Variants in HAUS8 observed in about 807,000 individuals in gnomAD.
The protein encoded by HAUS8 is HAUS augmin-like complex subunit 8.
In HAUS8, 38 loss-of-function variants were observed where a neutral mutation model predicts 42.9. The ratio of observed to expected loss-of-function variants is 0.89; its 90% CI spans 0.68 to 1.16. The LOEUF (loss-of-function observed/expected upper bound fraction) is 1.16. HAUS8 is among the 50% of genes most tolerant of loss of function. The pLI is 0.00. For synonymous variants in HAUS8, 199 were observed against 205.8 expected (o/e 0.97, Z 0.28); for missense variants, 494 against 511.6 (o/e 0.97, Z 0.33).
intron 3 of HAUS8, among the ~76,000 whole-genome samples, chr19:17,063,253 T>C (rs1165793008): frequency 6.6e-6 from 1 of 152,176 alleles, no homozygotes; most frequent in Non-Finnish European, 1.5e-5. Context: ...TCCCAGCTAC[T>C]CAGGAGGCTG....
intron 9 of HAUS8, chr19:17,053,269 G>C: frequency 2.6e-6 from 1 of 382,384 alleles, no homozygotes; most frequent in Non-Finnish European, 4.9e-6. Context: ...GTGCCAGGGA[G>C]AATGCCTGAG....
chr19:17,070,974 G>A (rs1427199142), intron 2 of HAUS8, among the ~76,000 whole-genome samples: 1 of 151,940 alleles, frequency 6.6e-6, no homozygotes, highest in Non-Finnish European at 1.5e-5. Context: ...GGAGACTGAG[G>A]CAGGAGAATC....
rs771781763 is a variant in HAUS8 at position 17,052,946 on chromosome 19, C to T, written c.808G>A (p.Val270Met). Residue 270 changes from valine (V) to methionine (M), a missense_variant, in exon 10 of 11, where the codon GTG becomes ATG. Coordinates refer to ENST00000253669, the MANE Select transcript of HAUS8 (RefSeq NM_033417.2). ...QLLDALQHEL[V>M]TTQRLLGELD... The stretch of plus-strand genomic sequence containing the variant: ...TCTCCCAGGAGGCGCTGAGTGGTCA[C>T]CAGTTCATGCTGCAGGGCGTCTGGA... 5.0e-6 allele frequency: 8 copies of T among 1,614,094 alleles called. No individual in the cohort carries two copies. The highest frequency in any genetic ancestry group is 6.8e-6 in the Non-Finnish European group (8 of 1,180,048).
At chr19:17,058,786 T>C (rs374206022) in intron 7 of HAUS8, 25 bp downstream of exon 7, 14 of 1,611,274 alleles carry the variant, frequency 8.7e-6, no homozygotes, top group African/African-American at 8.0e-5. Context: ...ATCCATGGCA[T>C]ACGTGAACAA....
intron 9 of HAUS8, chr19:17,055,177 T>C (rs1326053015): frequency 2.0e-5 from 1 of 50,488 alleles, no homozygotes; most frequent in South Asian, 8.8e-4. Flanking sequence ...TATATATATA[T>C]ATATATATAT....
intron 8 of HAUS8, among the ~76,000 whole-genome samples, chr19:17,056,886 T>A: frequency 6.6e-6 from 1 of 151,454 alleles, no homozygotes; most frequent in Non-Finnish European, 1.5e-5. Flanking sequence ...CCACTGCACA[T>A]ACATATTTTT....
chr19:17,068,263 G>A (rs2057399851), intron 3 of HAUS8, among the ~76,000 whole-genome samples: 1 of 151,906 alleles, frequency 6.6e-6, no homozygotes, highest in Non-Finnish European at 1.5e-5. Context: ...ACAGGTGCAC[G>A]CCACTGCATC....
At chr19:17,068,834 T>TA (rs2057403630) in intron 3 of HAUS8, among the ~76,000 whole-genome samples, 197 bp downstream of exon 3, 1 of 152,006 alleles carries the variant, frequency 6.6e-6, no homozygotes, top group Non-Finnish European at 1.5e-5. Context: ...AAGAGATGCT[T>TA]ATAGCCATGA....
At position 17,052,887 on chromosome 19, in the gene HAUS8, C is replaced by G. The variant is rs754762562; in HGVS notation, c.867G>C (p.Gln289His). 5.6e-6 allele frequency: 9 copies of G among 1,614,070 alleles called. No individual in the cohort carries two copies. ...LDVGDSEENV[Q>H]VLDLLSELKD... Reference sequence around the variant, plus strand: ...TGAGTTCGCTCAGTAAGTCCAGCACCTGCACATTTTCTTCCGAATCACCAA... The same window carrying G: ...TGAGTTCGCTCAGTAAGTCCAGCACGTGCACATTTTCTTCCGAATCACCAA... The change falls in exon 10 of 11, where the codon CAG (glutamine) becomes CAC (histidine). Residue 289 changes from glutamine (Q) to histidine (H), a missense_variant. Gln to His is a conservative substitution (Grantham distance 24). Coordinates refer to ENST00000253669, the MANE Select transcript of HAUS8 (RefSeq NM_033417.2).
chr19:17,072,114 A>C (rs917420810), intron 2 of HAUS8, among the ~76,000 whole-genome samples: 1 of 152,238 alleles, frequency 6.6e-6, no homozygotes, highest in Non-Finnish European at 1.5e-5. Context: ...CGAGATTAAC[A>C]TGCGATGTTT....
intron 9 of HAUS8, chr19:17,055,092 A>G (rs2057311351): frequency 7.7e-6 from 1 of 129,470 alleles, no homozygotes. Context: ...CCTTGGCAAC[A>G]TAGCGAAACC....
At chr19:17,058,189 C>A (rs2057337407) in intron 8 of HAUS8, among the ~76,000 whole-genome samples, 1 of 152,254 alleles carries the variant, frequency 6.6e-6, no homozygotes, top group South Asian at 2.1e-4. Context: ...CACATGGACA[C>A]TGCTGACCAC....
Position 17,073,326 on chromosome 19 carries a change from T to G in HAUS8, c.39A>C (p.Ala13=). Residue 13 remains alanine, a synonymous_variant, in exon 2 of 11, where the codon GCA becomes GCC. Coordinates refer to ENST00000253669, the MANE Select transcript of HAUS8 (RefSeq NM_033417.2). ...DSSGRGAGKP[A]TGPTNSSSAK... ...CACTGCTAGAATTTGTGGGGCCGGTTGCAGGCTTCCTGCAAGAGAAGAGAG... is the reference window on the plus strand; with the variant it reads ...CACTGCTAGAATTTGTGGGGCCGGTGGCAGGCTTCCTGCAAGAGAAGAGAG... 1.2e-6 allele frequency: 2 copies of G among 1,614,050 alleles called. No individual in the cohort carries two copies. Among genetic ancestry groups the G allele is most frequent in the Non-Finnish European group, 1.7e-6 (2 of 1,179,940 alleles).
intron 2 of HAUS8, 51 bp from the exon 3 acceptor site, chr19:17,069,137 C>T (rs751313840): frequency 8.5e-6 from 13 of 1,534,320 alleles, no homozygotes; most frequent in South Asian, 5.7e-5. Context: ...GACCGAAGAC[C>T]CCACACACCC....
Position 17,059,575 on chromosome 19 carries a change from G to A in HAUS8, c.402C>T (p.Ala134=), listed in dbSNP as rs1473402947. The change falls in exon 6 of 11, where the codon GCC becomes GCT. Residue 134 remains alanine (A), a synonymous_variant. Transcript: ENST00000253669. The stretch of plus-strand genomic sequence containing the variant: ...CACTTACCGGGCTCTTTTTCCGAGG[G>A]GCAGAAAATGATGTTGACTCAGGTT... ...SKKPESTSFS[A]PRKKSPDLSE... is the part of the protein sequence containing the mutation. The A allele has an allele frequency of 3.7e-6, 6 of 1,613,166 alleles. No homozygotes were observed. The highest frequency in any genetic ancestry group is 1.3e-5 in the African/African-American group (1 of 74,826).
intron 1 of HAUS8, 24 bp downstream of exon 1, chr19:17,075,370 A>T: frequency 6.2e-7 from 1 of 1,613,544 alleles, no homozygotes; most frequent in Non-Finnish European, 8.5e-7. Flanking sequence ...CTACAAATCC[A>T]GACCTGCGGA....
chr19:17,051,415 G>C (rs1599966209), intron 10 of HAUS8, among the ~76,000 whole-genome samples: 1 of 151,710 alleles, frequency 6.6e-6, no homozygotes, highest in South Asian at 2.1e-4. Flanking sequence ...GGGAGATCTT[G>C]ATGGGTTTTG....
At chr19:17,050,997 T>G (rs551057479) in intron 10 of HAUS8, among the ~76,000 whole-genome samples, 3 of 151,648 alleles carry the variant, frequency 2.0e-5, no homozygotes, top group African/African-American at 7.3e-5. Flanking sequence ...GAGGCAGAGG[T>G]TGCAGTGAAC....
chr19:17,073,366 C>T, intron 1 of HAUS8, 31 bp from the exon 2 acceptor site: 1 of 1,605,136 alleles, frequency 6.2e-7, no homozygotes, highest in Non-Finnish European at 8.5e-7. Flanking sequence ...GTCTTGTTCA[C>T]CTCACTACCC....
Sources: allele counts gnomAD v4.1 joint callset (sites outside exome capture counted in the v4.1 genomes callset), GRCh38; gene constraint gnomAD v4.1.1; transcripts MANE v1.5; gene names NCBI Gene and HGNC (gene_info 2026-07-23, HGNC 2026-07-21).